Variants in SORCS1 observed in about 807,000 individuals in gnomAD.
The protein encoded by SORCS1 is VPS10 domain-containing receptor SorCS1.
In SORCS1, 60 loss-of-function variants were observed where a neutral mutation model predicts 146.1. The ratio of observed to expected loss-of-function variants is 0.41; its 90% CI spans 0.33 to 0.51. The LOEUF (loss-of-function observed/expected upper bound fraction) is 0.51. Ranked by LOEUF, SORCS1 falls within the 20% of genes least tolerant of loss-of-function variation. The pLI is 0.21. For synonymous variants in SORCS1, 637 were observed against 584.0 expected (o/e 1.09, Z -1.31); for missense variants, 1,352 against 1,487.6 (o/e 0.91, Z 1.50).
intron 1 of SORCS1, among the ~76,000 whole-genome samples, chr10:107,045,781 C>CTT (rs1313801610): frequency 2.3e-5 from 3 of 130,140 alleles, no homozygotes; most frequent in African/African-American, 2.8e-5. Context: ...TATATATCTT[C>CTT]TTTTTTTTTT....
intron 18 of SORCS1, among the ~76,000 whole-genome samples, chr10:106,635,921 T>C (rs972260595): frequency 6.6e-6 from 1 of 152,166 alleles, no homozygotes; most frequent in African/African-American, 2.4e-5. Context: ...GAAATAAAAG[T>C]AGCTCACCAT....
chr10:106,660,981 C>A (rs554256084), intron 17 of SORCS1, among the ~76,000 whole-genome samples: 1 of 152,288 alleles, frequency 6.6e-6, no homozygotes, highest in African/African-American at 2.4e-5. Context: ...ATAAACCAAC[C>A]CACTGCCCAC....
intron 2 of SORCS1, among the ~76,000 whole-genome samples, chr10:106,854,740 C>G (rs1457720942): frequency 6.6e-6 from 1 of 152,084 alleles, no homozygotes; most frequent in Non-Finnish European, 1.5e-5. Flanking sequence ...TCTGTCATAA[C>G]AACTTATTCC....
At chr10:106,982,574 G>A (rs548850945) in intron 1 of SORCS1, among the ~76,000 whole-genome samples, 106 of 152,228 alleles carry the variant, frequency 7.0e-4, no homozygotes, top group African/African-American at 2.4e-3. Context: ...AAATCTATTC[G>A]AACTCAACAT....
At chr10:106,911,365 G>A (rs1195157982) in intron 2 of SORCS1, among the ~76,000 whole-genome samples, 4 of 152,150 alleles carry the variant, frequency 2.6e-5, no homozygotes, top group Non-Finnish European at 4.4e-5. Flanking sequence ...GTAGCAGGGG[G>A]GTCACTGCTG....
chr10:106,976,181 C>T (rs1421337342), intron 1 of SORCS1, among the ~76,000 whole-genome samples: 5 of 147,294 alleles, frequency 3.4e-5, no homozygotes, highest in Non-Finnish European at 7.5e-5. Context: ...TTCCCAACCT[C>T]TTTTGACAGG....
chr10:106,927,248 A>G (rs1953095548), intron 2 of SORCS1, among the ~76,000 whole-genome samples: 1 of 151,994 alleles, frequency 6.6e-6, no homozygotes, highest in Non-Finnish European at 1.5e-5. Flanking sequence ...TGATGTTCGG[A>G]TGTGTTCGGA....
At chr10:107,171,374 C>T in the SORCS1 span, among the ~76,000 whole-genome samples, 1 of 152,226 alleles carries the variant, frequency 6.6e-6, no homozygotes, top group African/African-American at 2.4e-5. Flanking sequence ...GTGTAAAACA[C>T]TGTACCATCA....
At chr10:106,728,374 A>G (rs150294577) in intron 6 of SORCS1, among the ~76,000 whole-genome samples, 2 of 152,312 alleles carry the variant, frequency 1.3e-5, no homozygotes, top group Admixed American at 6.5e-5. Context: ...GCTCCAGGGA[A>G]ATGGAGACGT....
chr10:106,662,815 C>A lies in SORCS1; in HGVS notation c.2303+4874G>T, dbSNP rs564775390. ...TCTCCTTCCCCTCAGCTTTCCTTTA[C>A]AGAATCCACTGGCATTTGAATTTTA... is the stretch of plus-strand genomic sequence containing the variant. On this transcript the variant is annotated intron_variant, in intron 17 of 25. Coordinates refer to ENST00000263054, the MANE Select transcript of SORCS1 (RefSeq NM_052918.5). Among the ~76,000 whole-genome samples, 4 of 152,286 alleles carry A rather than the reference C, an allele frequency of 2.6e-5. No homozygotes were observed. In the East Asian group the frequency reaches 7.7e-4, roughly 29 times the overall value.
chr10:106,867,784 A>G (rs1282229575), intron 2 of SORCS1, among the ~76,000 whole-genome samples: 1 of 152,206 alleles, frequency 6.6e-6, no homozygotes, highest in African/African-American at 2.4e-5. Flanking sequence ...GTAACAGTAT[A>G]AAGCAACCAC....
chr10:106,962,647 TA>T (rs1955291093), intron 1 of SORCS1, among the ~76,000 whole-genome samples: 1 of 152,174 alleles, frequency 6.6e-6, no homozygotes, highest in Non-Finnish European at 1.5e-5. Flanking sequence ...TCCTAGTCTA[TA>T]AAACAGCACT....
intron 1 of SORCS1, among the ~76,000 whole-genome samples, chr10:107,115,957 T>C (rs192137549): frequency 1.1e-3 from 174 of 152,250 alleles, no homozygotes; most frequent in Non-Finnish European, 2.1e-3. Flanking sequence ...TAGACATTTT[T>C]ATTCAAAGGA....
chr10:107,109,918 A>G (rs1449957011), intron 1 of SORCS1, among the ~76,000 whole-genome samples: 1 of 152,222 alleles, frequency 6.6e-6, no homozygotes, highest in Non-Finnish European at 1.5e-5. Flanking sequence ...TTCTTCTGCC[A>G]GATACCCTAG....
chr10:106,946,283 G>A (rs1048575833), intron 2 of SORCS1, among the ~76,000 whole-genome samples: 2 of 152,164 alleles, frequency 1.3e-5, no homozygotes, highest in Non-Finnish European at 2.9e-5. Flanking sequence ...ATGAAAATAA[G>A]ACATGGTCAT....
intron 3 of SORCS1, among the ~76,000 whole-genome samples, chr10:106,817,148 C>T (rs1947786422): frequency 6.6e-6 from 1 of 152,204 alleles, no homozygotes; most frequent in Non-Finnish European, 1.5e-5. Context: ...ATATCAAATA[C>T]ATGCCTTCCT....
intron 1 of SORCS1, among the ~76,000 whole-genome samples, chr10:107,100,144 T>C (rs1430145734): frequency 6.6e-6 from 1 of 152,246 alleles, no homozygotes; most frequent in African/African-American, 2.4e-5. Flanking sequence ...AGCCAGCATT[T>C]AAATGTTTTT....
rs36052970 is a variant in SORCS1, at chr10:106,992,826, C to CT, written c.559-36247dup. Among the ~76,000 whole-genome samples, 456 of 57,000 alleles carry CT rather than the reference C, an allele frequency of 8.0e-3. 4 individuals are homozygous for CT. Among genetic ancestry groups the CT allele is most frequent in the East Asian group, 0.01 (22 of 2,152 alleles). The allele number at this position is 57,000 out of a possible 152,430, so 37.4% of individuals were successfully genotyped here. A position where few individuals can be genotyped will look rare whatever the true frequency, so the allele number is the denominator to read the frequency against. ...AATTTCTTTCTTCCTTTCTTTCTTT[C>CT]TTTTTTTTTTTTTTTTTTTTTTTTG... On this transcript the variant is annotated intron_variant, in intron 1 of 25. Transcript: ENST00000263054.
At chr10:107,108,521 AC>A (rs1321821887) in intron 1 of SORCS1, among the ~76,000 whole-genome samples, 1 of 152,170 alleles carries the variant, frequency 6.6e-6, no homozygotes, top group Non-Finnish European at 1.5e-5. Context: ...TGAAGACAGC[AC>A]CAAGCCATCA....
Sources: allele counts gnomAD v4.1 joint callset (sites outside exome capture counted in the v4.1 genomes callset), GRCh38; gene constraint gnomAD v4.1.1; transcripts MANE v1.5; gene names NCBI Gene and HGNC (gene_info 2026-07-23, HGNC 2026-07-21).